Variants in GALNT13 observed in about 807,000 individuals in gnomAD.
GALNT13 encodes polypeptide N-acetylgalactosaminyltransferase 13, also known as UDP-GalNAc:polypeptide N-acetylgalactosaminyltransferase 13.
In GALNT13, 28 loss-of-function variants were observed where a neutral mutation model predicts 64.2. The ratio of observed to expected loss-of-function variants is 0.44; its 90% CI spans 0.32 to 0.60. The LOEUF (loss-of-function observed/expected upper bound fraction) is 0.60. GALNT13 is among the 20% of genes least tolerant of loss of function. The pLI is 0.05. For synonymous variants in GALNT13, 214 were observed against 224.6 expected (o/e 0.95, Z 0.42); for missense variants, 577 against 669.8 (o/e 0.86, Z 1.53).
the GALNT13 span, among the ~76,000 whole-genome samples, chr2:153,740,018 A>G: frequency 4.6e-5 from 7 of 152,034 alleles, no homozygotes; most frequent in African/African-American, 1.7e-4. Context: ...AATAGGATAT[A>G]GAAGTATTCA....
intron 8 of GALNT13, among the ~76,000 whole-genome samples, chr2:154,293,665 CAG>C (rs891328147): frequency 6.6e-6 from 1 of 152,082 alleles, no homozygotes; most frequent in African/African-American, 2.4e-5. Context: ...TAGCATGTGA[CAG>C]AGCCTGTAGA....
chr2:154,431,012 CA>C (rs1426702407), intron 11 of GALNT13, among the ~76,000 whole-genome samples: 1 of 152,054 alleles, frequency 6.6e-6, no homozygotes, highest in African/African-American at 2.4e-5. Flanking sequence ...CACAGGGGAA[CA>C]AAAAAATTCA....
chr2:154,061,772 A>G (rs555339744), intron 3 of GALNT13, among the ~76,000 whole-genome samples: 1 of 152,042 alleles, frequency 6.6e-6, no homozygotes, highest in East Asian at 1.9e-4. Flanking sequence ...TTTTGGCTTT[A>G]TGTTTGTTTT....
At chr2:153,413,129 A>G in the GALNT13 span, among the ~76,000 whole-genome samples, 10 of 152,128 alleles carry the variant, frequency 6.6e-5, no homozygotes, top group African/African-American at 2.4e-4. Context: ...TGAGAGGAGT[A>G]GTGACCTTCT....
At chr2:154,241,345 C>T (rs1441816691) in intron 4 of GALNT13, among the ~76,000 whole-genome samples, 2 of 152,194 alleles carry the variant, frequency 1.3e-5, no homozygotes, top group African/African-American at 4.8e-5. Context: ...TCCCTTCTTC[C>T]CTGTCATTTA....
the GALNT13 span, among the ~76,000 whole-genome samples, chr2:153,743,044 TGAGGGGGAGGGGAAAG>T: frequency 3.1e-5 from 1 of 32,104 alleles, no homozygotes. Context: ...GGAGGGGAAA[TGAGGGGGAGGGGAAAG>T]GAGAGGGAGG....
the GALNT13 span, among the ~76,000 whole-genome samples, chr2:153,675,345 A>C: frequency 1.3e-5 from 2 of 152,228 alleles, no homozygotes; most frequent in African/African-American, 4.8e-5. Flanking sequence ...GCACATATAC[A>C]CCATGGAATA....
chr2:153,801,403 A>G, the GALNT13 span, among the ~76,000 whole-genome samples: 1 of 150,788 alleles, frequency 6.6e-6, no homozygotes, highest in South Asian at 2.1e-4. Context: ...ACTTCCTTTC[A>G]CTCGAACACT....
the GALNT13 span, among the ~76,000 whole-genome samples, chr2:153,410,694 T>G: frequency 6.6e-6 from 1 of 152,100 alleles, no homozygotes. Flanking sequence ...GTAAAAAATG[T>G]AATAATAATC....
At chr2:154,298,517 ATTATATATAAAATTGTATATAT>A (rs1553511275) in intron 8 of GALNT13, among the ~76,000 whole-genome samples, 1 of 86,378 alleles carries the variant, frequency 1.2e-5, no homozygotes, top group African/African-American at 3.9e-5. Flanking sequence ...TAAATTATAT[ATTATATATAAAATTGTATATAT>A]TTATATATAA....
the GALNT13 span, among the ~76,000 whole-genome samples, chr2:153,747,212 T>C: frequency 2.6e-5 from 4 of 152,092 alleles, no homozygotes; most frequent in South Asian, 8.3e-4. Context: ...TATTACAAGC[T>C]ATCCAATTAC....
chr2:153,698,759 C>G, the GALNT13 span, among the ~76,000 whole-genome samples: 2 of 152,194 alleles, frequency 1.3e-5, no homozygotes, highest in Non-Finnish European at 2.9e-5. Flanking sequence ...CTACAGAACT[C>G]TCCACCCCAA....
At chr2:153,926,160 T>C (rs1690121209) in intron 2 of GALNT13, 1 of 152,084 alleles carries the variant, frequency 6.6e-6, no homozygotes, top group African/African-American at 2.4e-5. Flanking sequence ...TCAAGTTGCA[T>C]GTGATTTTAA....
At chr2:153,924,421 TG>T (rs1288228003) in intron 2 of GALNT13, among the ~76,000 whole-genome samples, 1 of 152,216 alleles carries the variant, frequency 6.6e-6, no homozygotes, top group Non-Finnish European at 1.5e-5. Flanking sequence ...TAATATTCCA[TG>T]GTGTATATAT....
chr2:154,217,998 A>G (rs1688136371), intron 4 of GALNT13, among the ~76,000 whole-genome samples: 1 of 152,282 alleles, frequency 6.6e-6, no homozygotes, highest in African/African-American at 2.4e-5. Flanking sequence ...AAGATATCCA[A>G]CAAGCCTATA....
the GALNT13 span, among the ~76,000 whole-genome samples, chr2:153,292,097 T>G: frequency 6.6e-6 from 1 of 152,194 alleles, no homozygotes; most frequent in Non-Finnish European, 1.5e-5. Context: ...TTCAAATGAT[T>G]GTAATCATAA....
chr2:153,671,879 A>C, the GALNT13 span, among the ~76,000 whole-genome samples: 1 of 152,056 alleles, frequency 6.6e-6, no homozygotes, highest in South Asian at 2.1e-4. Context: ...AATGGAAAGC[A>C]AAAAAAAGCA....
chr2:153,482,573 G>T, the GALNT13 span, among the ~76,000 whole-genome samples: 1 of 152,106 alleles, frequency 6.6e-6, no homozygotes, highest in African/African-American at 2.4e-5. Flanking sequence ...AGGTTCAAGC[G>T]ATTCTCCTGC....
chr2:153,511,754 G>A, the GALNT13 span, among the ~76,000 whole-genome samples: 27,985 of 152,130 alleles, frequency 0.18, 3,794 homozygotes, highest in African/African-American at 0.38. Flanking sequence ...AGACTGAAGC[G>A]GGAGTTTTAT....
Sources: allele counts gnomAD v4.1 joint callset (sites outside exome capture counted in the v4.1 genomes callset), GRCh38; gene constraint gnomAD v4.1.1; transcripts MANE v1.5; gene names NCBI Gene and HGNC (gene_info 2026-07-23, HGNC 2026-07-21).